The following BTD variants were observed in gnomAD, a reference collection of about 807,000 sequenced individuals.
BTD encodes the protein biotinidase, also known as biocytinase.
In BTD, 13 loss-of-function variants were observed where a neutral mutation model predicts 17.7. The observed-to-expected ratio is 0.74, with a 90% confidence interval of 0.48 to 1.17. The LOEUF is 1.17. Among genes scored for constraint, BTD ranks in the 50% most tolerant of loss-of-function variants. BTD has a pLI of 0.00. For synonymous variants in BTD, 240 were observed against 245.2 expected (o/e 0.98, Z 0.20); for missense variants, 674 against 650.4 (o/e 1.04, Z -0.39).
intron 3 of BTD, chr3:15,697,508 TTG>T (rs1491085606): frequency 6.6e-6 from 1 of 152,046 alleles, no homozygotes; most frequent in African/African-American, 2.4e-5. Context: ...AATCATGTGT[TTG>T]TTTTTTTTTT....
chr3:15,686,365 T>C, intron 3 of BTD: 2 of 1,359,414 alleles, frequency 1.5e-6, no homozygotes, highest in Non-Finnish European at 2.0e-6. Flanking sequence ...AAATAGAAAA[T>C]GTCCATCTAA....
rs1213872715 is a variant in BTD, at chr3:15,653,494, A to C, written c.*8006A>C. Among the ~76,000 whole-genome samples, 1 of 152,212 alleles carries C rather than the reference A, an allele frequency of 6.6e-6. No individual in the cohort carries two copies. Among genetic ancestry groups the C allele is most frequent in the Non-Finnish European group, 1.5e-5 (1 of 68,042 alleles). ...AGTGTTTCAACGTCGCCAACCCAGA[A>C]ATGTTTTCTCTCCCTGTCATGCTAA... On this transcript the variant is annotated 3_prime_UTR_variant, in exon 4 of 4. Coordinates refer to ENST00000643237, the MANE Select transcript of BTD (RefSeq NM_001370658.1).
exon 4 of BTD, among the ~76,000 whole-genome samples, chr3:15,710,492 C>T (rs112861762): frequency 1.4e-4 from 21 of 152,146 alleles, no homozygotes; most frequent in African/African-American, 5.1e-4. Flanking sequence ...TCCATCTCTA[C>T]AACTTAGACT....
At chr3:15,666,611 G>A (rs79597954) in intron 3 of BTD, among the ~76,000 whole-genome samples, 8 of 152,224 alleles carry the variant, frequency 5.3e-5, no homozygotes, top group South Asian at 2.1e-4. Flanking sequence ...TCCTCCCATC[G>A]CCTATTTATA....
chr3:15,639,880 CG>C (rs541982108), intron 2 of BTD, among the ~76,000 whole-genome samples: 476 of 152,180 alleles, frequency 3.1e-3, no homozygotes, highest in Middle Eastern at 0.02. Context: ...GGGTCCAAAG[CG>C]GGCGGATCAC....
intron 4 of BTD, among the ~76,000 whole-genome samples, chr3:15,720,379 C>A (rs1460749846): frequency 6.6e-6 from 1 of 152,074 alleles, no homozygotes; most frequent in African/African-American, 2.4e-5. Context: ...ATTGTAGATT[C>A]ATCTATCCTT....
chr3:15,615,705 A>G (rs566253024), intron 1 of BTD, among the ~76,000 whole-genome samples: 2 of 152,370 alleles, frequency 1.3e-5, no homozygotes, highest in South Asian at 4.1e-4. Context: ...CCCTGTTATC[A>G]ATATCCCAGA....
At chr3:15,659,604 C>G (rs1282699323) in intron 3 of BTD, among the ~76,000 whole-genome samples, 1 of 152,198 alleles carries the variant, frequency 6.6e-6, no homozygotes, top group African/African-American at 2.4e-5. Context: ...TTGGAGGACC[C>G]AGACTAACAG....
chr3:15,636,912 C>T (rs2065364500), intron 2 of BTD, among the ~76,000 whole-genome samples: 1 of 151,704 alleles, frequency 6.6e-6, no homozygotes. Context: ...TTTCTTTAGT[C>T]CCAACCTGAC....
downstream of BTD, among the ~76,000 whole-genome samples, chr3:15,715,632 C>G (rs1575344088): frequency 6.6e-6 from 1 of 152,114 alleles, no homozygotes; most frequent in African/African-American, 2.4e-5. Flanking sequence ...GTCAGAATAA[C>G]CTAAGCATGA....
chr3:15,658,082 C>T (rs1334641876), downstream of BTD, among the ~76,000 whole-genome samples: 3 of 151,356 alleles, frequency 2.0e-5, no homozygotes, highest in Admixed American at 6.6e-5. Flanking sequence ...GCAGGAGAAT[C>T]GCTTGAACCG....
At chr3:15,625,708 C>A (rs11128749) in intron 1 of BTD, among the ~76,000 whole-genome samples, 76,920 of 151,864 alleles carry the variant, frequency 0.51, 22,674 homozygotes, top group African/African-American at 0.81. Context: ...GGCACCCGCC[C>A]CCTCGCCCAG....
At chr3:15,701,315 T>C (rs2455851) in intron 3 of BTD, among the ~76,000 whole-genome samples, 135,016 of 152,244 alleles carry the variant, frequency 0.89, 60,113 homozygotes, top group African/African-American at 0.97. Context: ...GATATTTATG[T>C]ACAGCTAAAA....
At chr3:15,685,048 A>T in intron 3 of BTD, 1 of 616,002 alleles carries the variant, frequency 1.6e-6, no homozygotes, top group South Asian at 2.0e-5. Flanking sequence ...TCTTGGCTTT[A>T]GCATGACAAA....
At chr3:15,710,349 G>GT (rs1347926016) in exon 4 of BTD, among the ~76,000 whole-genome samples, 1 of 152,160 alleles carries the variant, frequency 6.6e-6, no homozygotes, top group Admixed American at 6.5e-5. Flanking sequence ...AATGAAAACT[G>GT]TAACTGTCAA....
At chr3:15,637,467 G>T (rs1449914102) in intron 2 of BTD, among the ~76,000 whole-genome samples, 1 of 152,178 alleles carries the variant, frequency 6.6e-6, no homozygotes, top group Admixed American at 6.5e-5. Flanking sequence ...ATTGATTTAA[G>T]CTGAGGGCAA....
chr3:15,668,839 T>G (rs1207625906), intron 3 of BTD: 1 of 152,628 alleles, frequency 6.6e-6, no homozygotes, highest in African/African-American at 2.4e-5. Context: ...GTTTCCAGTT[T>G]CACAATACAA....
exon 5 of BTD, among the ~76,000 whole-genome samples, chr3:15,721,771 G>T (rs1190672006): frequency 6.6e-6 from 1 of 151,996 alleles, no homozygotes; most frequent in Non-Finnish European, 1.5e-5. Flanking sequence ...TTGAGACAGG[G>T]TCTCATTCTG....
intron 3 of BTD, among the ~76,000 whole-genome samples, chr3:15,662,199 A>T (rs1239631582): frequency 1.3e-5 from 2 of 152,268 alleles, no homozygotes; most frequent in African/African-American, 4.8e-5. Flanking sequence ...CACTGAATCT[A>T]TAAAGTTGGC....
Sources: allele counts gnomAD v4.1 joint callset (sites outside exome capture counted in the v4.1 genomes callset), GRCh38; gene constraint gnomAD v4.1.1; transcripts MANE v1.5; gene names NCBI Gene and HGNC (gene_info 2026-07-23, HGNC 2026-07-21).